ARID1B: variants seen among roughly 807,000 people sequenced by gnomAD.
The protein encoded by ARID1B is AT-rich interaction domain 1B.
Under a neutral mutation model 212.3 loss-of-function variants are expected in ARID1B, and 30 were observed. The ratio of observed to expected loss-of-function variants is 0.14; its 90% CI spans 0.11 to 0.19. The LOEUF is 0.19. Among genes scored for constraint, ARID1B ranks in the 10% least tolerant of loss-of-function variants. The probability of loss-of-function intolerance (pLI) is 1.00; values close to 1 mark genes in which losing one functional copy is unlikely to be tolerated. For synonymous variants in ARID1B, 1,402 were observed against 1,301.7 expected, an observed-to-expected ratio of 1.08 and a Z score of -1.66; for missense variants, 2,891 against 3,204.0, an observed-to-expected ratio of 0.90 and a Z score of 2.36.
intron 4 of ARID1B, among the ~76,000 whole-genome samples, chr6:156,993,070 G>GTC (rs1446428053): frequency 6.8e-6 from 1 of 146,404 alleles, no homozygotes; most frequent in Non-Finnish European, 1.5e-5. Flanking sequence ...TTAAGATGGA[G>GTC]TCTCTCTCTG....
chr6:157,158,268 T>C (rs1790697960), intron 8 of ARID1B, among the ~76,000 whole-genome samples: 2 of 152,264 alleles, frequency 1.3e-5, no homozygotes, highest in Admixed American at 1.3e-4. Flanking sequence ...TTTACCAAAC[T>C]AAGTCACTTT....
At chr6:156,995,867 A>G (rs751538731) in intron 4 of ARID1B, among the ~76,000 whole-genome samples, 10 of 152,226 alleles carry the variant, frequency 6.6e-5, no homozygotes, top group South Asian at 4.1e-4. Context: ...AATGCGTCTT[A>G]TATATTACAT....
At chr6:156,983,582 G>A (rs1044741193) in intron 4 of ARID1B, among the ~76,000 whole-genome samples, 1 of 152,138 alleles carries the variant, frequency 6.6e-6, no homozygotes, top group African/African-American at 2.4e-5. Flanking sequence ...CACTGGTCGT[G>A]TTCTGCTTGG....
intron 2 of ARID1B, among the ~76,000 whole-genome samples, chr6:156,894,810 A>G (rs138283606): frequency 1.6e-4 from 25 of 152,344 alleles, no homozygotes; most frequent in Middle Eastern, 3.4e-3. Flanking sequence ...GTGTTTTTCT[A>G]TGCTTTCCTA....
intron 4 of ARID1B, among the ~76,000 whole-genome samples, chr6:157,077,216 T>G (rs923017602): frequency 3.3e-5 from 5 of 152,206 alleles, no homozygotes; most frequent in Admixed American, 1.3e-4. Flanking sequence ...ATATACAGAT[T>G]TTTTAAAAAG....
At chr6:156,876,261 A>G (rs11961649) in intron 2 of ARID1B, among the ~76,000 whole-genome samples, 9,286 of 152,300 alleles carry the variant, frequency 0.061, 940 homozygotes, top group African/African-American at 0.21. Context: ...TGTTTGTAAG[A>G]TGATATTGTG....
intron 4 of ARID1B, among the ~76,000 whole-genome samples, chr6:156,958,036 G>T (rs1794094776): frequency 6.6e-6 from 1 of 152,086 alleles, no homozygotes; most frequent in Non-Finnish European, 1.5e-5. Flanking sequence ...AATGTAGTTG[G>T]GTAGTTAGAA....
Position 157,209,202 on chromosome 6 carries a change from G to C in ARID1B, c.*1311G>C, listed in dbSNP as rs1228680312. 3 of 229,184 alleles carry C rather than the reference G, an allele frequency of 1.3e-5. No homozygotes were observed. Among genetic ancestry groups the C allele is most frequent in the Non-Finnish European group, 2.6e-5 (3 of 115,694 alleles). 14.2% of individuals were successfully genotyped at this position (229,184 alleles called of 1,614,324 possible). Reference sequence around the variant, plus strand: ...TGGCTTAATGAATATCATTTATTCAGTATAAAATCTTTATATGTTCCACAT... The same window carrying C: ...TGGCTTAATGAATATCATTTATTCACTATAAAATCTTTATATGTTCCACAT... On this transcript the variant is annotated 3_prime_UTR_variant, in exon 20 of 20. Transcript: ENST00000636930.
chr6:156,821,518 A>C lies in ARID1B; in HGVS notation c.1792-7709A>C, dbSNP rs77611409. On this transcript the variant is annotated intron_variant, in intron 1 of 19. Transcript: ENST00000636930. Reference sequence around the variant, plus strand: ...TGTTACATAGGAGGAAGAAATTCATAACATTCATTGTAGATGCTTTGAAAG... The same window carrying C: ...TGTTACATAGGAGGAAGAAATTCATCACATTCATTGTAGATGCTTTGAAAG... 3.7e-3 allele frequency among the ~76,000 whole-genome samples: 560 copies of C among 152,374 alleles called. 2 individuals are homozygous for C. Among genetic ancestry groups the C allele is most frequent in the African/African-American group, 0.013 (527 of 41,588 alleles).
intron 4 of ARID1B, among the ~76,000 whole-genome samples, chr6:156,950,380 C>G (rs968102005): frequency 6.6e-6 from 1 of 152,136 alleles, no homozygotes; most frequent in Non-Finnish European, 1.5e-5. Context: ...GATGGTGAAT[C>G]AGGTAGTATC....
At chr6:157,181,465 T>G (rs2128318672) in intron 12 of ARID1B, among the ~76,000 whole-genome samples, 1 of 152,322 alleles carries the variant, frequency 6.6e-6, no homozygotes, top group African/African-American at 2.4e-5. Context: ...TTCTTACAGC[T>G]CCAGAATTCT....
At chr6:157,016,889 G>A (rs1779949872) in intron 4 of ARID1B, among the ~76,000 whole-genome samples, 1 of 152,120 alleles carries the variant, frequency 6.6e-6, no homozygotes, top group African/African-American at 2.4e-5. Context: ...TCCTGGTAGG[G>A]CATTTTACTT....
chr6:156,938,716 A>G (rs1792447680), intron 4 of ARID1B: 1 of 152,182 alleles, frequency 6.6e-6, no homozygotes, highest in South Asian at 2.1e-4. Context: ...TTTCTTTAGC[A>G]TGTTTGTTAC....
chr6:157,080,665 G>A (rs866697927), intron 4 of ARID1B, among the ~76,000 whole-genome samples: 1 of 152,158 alleles, frequency 6.6e-6, no homozygotes, highest in Non-Finnish European at 1.5e-5. Flanking sequence ...TCTTGTCAAA[G>A]TCTGATAAGA....
intron 4 of ARID1B, 62 bp from the exon 5 acceptor site, chr6:157,084,600 G>T (rs538142359): frequency 2.6e-6 from 4 of 1,553,960 alleles, no homozygotes; most frequent in African/African-American, 1.4e-5. Context: ...TTTTCAAGTC[G>T]TCTTTTGATG....
At chr6:157,076,650 T>G (rs966540463) in intron 4 of ARID1B, among the ~76,000 whole-genome samples, 9 of 151,752 alleles carry the variant, frequency 5.9e-5, no homozygotes, top group African/African-American at 1.9e-4. Context: ...GAGATGGAAG[T>G]GGTGGTATTG....
intron 2 of ARID1B, among the ~76,000 whole-genome samples, chr6:156,869,066 C>T (rs576955708): frequency 3.1e-4 from 47 of 152,006 alleles, no homozygotes; most frequent in Admixed American, 2.6e-4. Flanking sequence ...GCCTCTAAAG[C>T]GTTAAATTTT....
chr6:156,812,985 T>TATAC (rs1562404171), intron 1 of ARID1B, among the ~76,000 whole-genome samples: 7 of 106,402 alleles, frequency 6.6e-5, no homozygotes, highest in South Asian at 6.6e-4. Flanking sequence ...TGTATGTATA[T>TATAC]ACATACGTAT....
intron 4 of ARID1B, chr6:156,941,434 G>T (rs967501285): frequency 1.3e-5 from 2 of 152,142 alleles, no homozygotes; most frequent in Admixed American, 6.5e-5. Context: ...TCAAGTTCTT[G>T]AACATAATTT....
Sources: allele counts gnomAD v4.1 joint callset (sites outside exome capture counted in the v4.1 genomes callset), GRCh38; gene constraint gnomAD v4.1.1; transcripts MANE v1.5; gene names NCBI Gene and HGNC (gene_info 2026-07-23, HGNC 2026-07-21).